L2HGDH: variants seen among roughly 807,000 people sequenced by gnomAD.
The protein encoded by L2HGDH is L-2-hydroxyglutarate dehydrogenase, mitochondrial.
A neutral mutation model predicts 51.5 loss-of-function variants in L2HGDH; 34 were observed. The observed-to-expected ratio is 0.66, with a 90% CI of 0.50 to 0.88. L2HGDH has a LOEUF of 0.88. Ranked by LOEUF, L2HGDH falls within the 40% of genes least tolerant of loss-of-function variation. The pLI is 0.00. For missense variants in L2HGDH, 558 were observed against 571.9 expected (o/e 0.98, Z 0.25); for synonymous variants, 198 against 197.9 (o/e 1.00, Z -0.01).
chr14:50,298,124 G>C (rs1490801383), intron 3 of L2HGDH, among the ~76,000 whole-genome samples: 1 of 150,788 alleles, frequency 6.6e-6, no homozygotes, highest in Admixed American at 6.6e-5. Context: ...TGAGCCTGTA[G>C]TCCCAGCGAC....
At chr14:50,304,599 G>A (rs1025540306) in intron 1 of L2HGDH, among the ~76,000 whole-genome samples, 3 of 152,232 alleles carry the variant, frequency 2.0e-5, no homozygotes, top group Admixed American at 6.5e-5. Context: ...ACTTTGGGAG[G>A]CCAAGGCGGG....
chr14:50,252,641 T>C (rs932865728), intron 9 of L2HGDH, among the ~76,000 whole-genome samples: 1 of 152,010 alleles, frequency 6.6e-6, no homozygotes, highest in African/African-American at 2.4e-5. Flanking sequence ...ATAGCTATAT[T>C]GATATCAGAC....
intron 4 of L2HGDH, among the ~76,000 whole-genome samples, chr14:50,288,404 G>A (rs1292959803): frequency 6.6e-6 from 1 of 152,162 alleles, no homozygotes; most frequent in African/African-American, 2.4e-5. Flanking sequence ...GAAATCACAA[G>A]AGATAACTAA....
intron 9 of L2HGDH, among the ~76,000 whole-genome samples, chr14:50,260,476 C>A (rs8013339): frequency 0.75 from 114,077 of 152,146 alleles, 43,884 homozygotes; most frequent in African/African-American, 0.93. Flanking sequence ...ACATAAATTA[C>A]AAATATAACT....
intron 4 of L2HGDH, among the ~76,000 whole-genome samples, chr14:50,291,898 T>A (rs1465741524): frequency 6.6e-6 from 1 of 152,196 alleles, no homozygotes; most frequent in Non-Finnish European, 1.5e-5. Flanking sequence ...ATAAAATGTC[T>A]GGGTATAAAA....
intron 1 of L2HGDH, among the ~76,000 whole-genome samples, chr14:50,306,049 CTTT>C (rs34244656): frequency 2.9e-4 from 41 of 141,348 alleles, no homozygotes; most frequent in Non-Finnish European, 4.5e-4. Context: ...TTTTGACTGA[CTTT>C]TTTTTTTTTT....
At chr14:50,308,345 C>T (rs2030850183) in intron 1 of L2HGDH, among the ~76,000 whole-genome samples, 1 of 151,478 alleles carries the variant, frequency 6.6e-6, no homozygotes, top group African/African-American at 2.4e-5. Context: ...CGAGACCGCG[C>T]CACTGCGCTC....
Position 50,246,938 on chromosome 14 carries a change from G to A in L2HGDH, c.*120C>T, listed in dbSNP as rs1448556103. On this transcript the variant is annotated 3_prime_UTR_variant, in exon 10 of 10. Coordinates refer to ENST00000267436, the MANE Select transcript of L2HGDH (RefSeq NM_024884.3). The stretch of plus-strand genomic sequence containing the variant: ...TATGTTACATCATTTTAACAATGCA[G>A]TGGTTATCTTTGACCTAAAAACTAA... 2.2e-6 allele frequency: 3 copies of A among 1,384,298 alleles called. No homozygotes were observed. The highest frequency in any genetic ancestry group is 2.9e-5 in the South Asian group (2 of 69,170). The allele number at this position is 1,384,298 out of a possible 1,614,324, so 85.8% of individuals were successfully genotyped here.
In L2HGDH at chr14:50,252,834, G is replaced by A. The variant is rs1396196453; in HGVS notation, c.1197-5581C>T. On this transcript the variant is annotated intron_variant, in intron 9 of 9. Coordinates refer to ENST00000267436, the MANE Select transcript of L2HGDH (RefSeq NM_024884.3). ...AGAGATAGACCCCAATATAATAATAGCTGGAGACTTAAACACCCCACTTTC... is the reference window on the plus strand; with the variant it reads ...AGAGATAGACCCCAATATAATAATAACTGGAGACTTAAACACCCCACTTTC... 1.3e-5 allele frequency among the ~76,000 whole-genome samples: 2 copies of A among 151,972 alleles called. 1 individual carries two copies. Among genetic ancestry groups the A allele is most frequent in the Non-Finnish European group, 2.9e-5 (2 of 67,958 alleles).
intron 4 of L2HGDH, among the ~76,000 whole-genome samples, chr14:50,292,706 AAAAT>A (rs1206537732): frequency 6.6e-6 from 1 of 152,046 alleles, no homozygotes; most frequent in African/African-American, 2.4e-5. Flanking sequence ...ACTCCATCTC[AAAAT>A]AAATAAATAA....
chr14:50,301,686 A>T (rs975987402), intron 3 of L2HGDH, among the ~76,000 whole-genome samples: 1 of 152,214 alleles, frequency 6.6e-6, no homozygotes, highest in African/African-American at 2.4e-5. Context: ...ATGGGAAGTG[A>T]CTGCTAATGG....
In L2HGDH at chr14:50,287,306, C is replaced by T. The variant is rs553515963; in HGVS notation, c.541-3273G>A. On this transcript the variant is annotated intron_variant, in intron 4 of 9. Transcript: ENST00000267436. ...TATAAAAAATCATGGGTTCCTGTTCCGATTTTTTCTCTTTAAAGCCTTAAC... is the reference window on the plus strand; with the variant it reads ...TATAAAAAATCATGGGTTCCTGTTCTGATTTTTTCTCTTTAAAGCCTTAAC... The T allele has an allele frequency of 1.7e-5, 17 of 984,560 alleles. No individual in the cohort carries two copies. The Middle Eastern group carries it at 1.6e-3, about 91-fold the overall frequency. The allele number at this position is 984,560 out of a possible 1,614,324, so 61.0% of individuals were successfully genotyped here. A position where few individuals can be genotyped will look rare whatever the true frequency, so the allele number is the denominator to read the frequency against.
Position 50,294,230 on chromosome 14 carries a change from TC to T in L2HGDH, c.424del (p.Glu142AsnfsTer23). The T allele has an allele frequency of 6.2e-7, 1 of 1,613,196 alleles. No individual in the cohort carries two copies. The highest frequency in any genetic ancestry group is 8.5e-7 in the Non-Finnish European group (1 of 1,179,794). On this transcript the variant is annotated frameshift_variant, in exon 4 of 10. Coordinates refer to ENST00000267436, the MANE Select transcript of L2HGDH (RefSeq NM_024884.3). LOFTEE classifies it high-confidence loss of function. ...KQCGKLIVAVEQEEIPRLQAL... is the reference protein window; with the variant it reads ...KQCGKLIVAVXQEEIPRLQAL... ...CTGAAGTCTGGGAATTTCTTCTTGTTCAACAGCTACTATAAGCTTCAAAAAA... is the reference window on the plus strand; with the variant it reads ...CTGAAGTCTGGGAATTTCTTCTTGTTAACAGCTACTATAAGCTTCAAAAAA...
intron 9 of L2HGDH, among the ~76,000 whole-genome samples, chr14:50,258,793 G>T (rs915842733): frequency 6.6e-6 from 1 of 151,404 alleles, no homozygotes; most frequent in Non-Finnish European, 1.5e-5. Context: ...GATTGCAGGC[G>T]TGAGCCCATG....
chr14:50,256,181 G>C (rs897071718), intron 9 of L2HGDH, among the ~76,000 whole-genome samples: 4 of 151,984 alleles, frequency 2.6e-5, no homozygotes, highest in African/African-American at 9.7e-5. Flanking sequence ...AATACAATGA[G>C]ACAATCTAGT....
Position 50,262,202 on chromosome 14 carries a change from G to C in L2HGDH, c.1196+3156C>G, listed in dbSNP as rs773646366. Among the ~76,000 whole-genome samples, 4 of 152,116 alleles carry C rather than the reference G, an allele frequency of 2.6e-5. 1 individual carries two copies. Among genetic ancestry groups the C allele is most frequent in the African/African-American group, 9.7e-5 (4 of 41,416 alleles). The stretch of plus-strand genomic sequence containing the variant: ...TAATCCCAGCACTTTGGGAGGCCAA[G>C]GCAGGAGGATCATGAGGTCAGGAGA... On this transcript the variant is annotated intron_variant, in intron 9 of 9. Coordinates refer to ENST00000267436, the MANE Select transcript of L2HGDH (RefSeq NM_024884.3).
intron 9 of L2HGDH, among the ~76,000 whole-genome samples, chr14:50,263,923 G>GCC (rs1889189921): frequency 6.6e-6 from 1 of 151,442 alleles, no homozygotes; most frequent in Admixed American, 6.6e-5. Context: ...TTACAGGCAT[G>GCC]TGCCACCATG....
Position 50,261,528 on chromosome 14 carries a change from G to C in L2HGDH, c.1196+3830C>G, listed in dbSNP as rs76041268. ...GACAGGGTCTTGTTCTCTCCACCAG[G>C]CTGGAGGACAGTAGTGCAATAATGG... On this transcript the variant is annotated intron_variant, in intron 9 of 9. Transcript: ENST00000267436. 3.0e-3 allele frequency among the ~76,000 whole-genome samples: 457 copies of C among 152,234 alleles called. 2 individuals carry two copies. The highest frequency in any genetic ancestry group is 0.01 in the African/African-American group (421 of 41,532).
intron 9 of L2HGDH, among the ~76,000 whole-genome samples, chr14:50,248,949 C>A (rs578007397): frequency 6.6e-6 from 1 of 152,190 alleles, no homozygotes; most frequent in African/African-American, 2.4e-5. Flanking sequence ...TCCCTCACCC[C>A]CTAGCAGCAG....
Sources: gnomAD v4.1 joint callset for allele counts (sites outside exome capture counted in the v4.1 genomes callset) on GRCh38, gnomAD v4.1.1 for gene constraint, MANE v1.5 for transcripts, NCBI Gene and HGNC (gene_info 2026-07-23, HGNC 2026-07-21) for gene names.